The following TRIM44 variants were observed in gnomAD, a reference collection of about 807,000 sequenced individuals.
TRIM44 encodes tripartite motif containing 44.
Under a neutral mutation model 37.4 loss-of-function variants are expected in TRIM44, and 13 were observed. That is an observed-to-expected ratio of 0.35 (90% CI 0.23 to 0.55). The LOEUF (loss-of-function observed/expected upper bound fraction) is 0.55. Among genes scored for constraint, TRIM44 ranks in the 20% least tolerant of loss-of-function variants. The pLI is 0.89. For missense variants in TRIM44, 426 were observed against 437.2 expected (o/e 0.97, Z 0.23); for synonymous variants, 175 against 157.2 (o/e 1.11, Z -0.85).
intron 4 of TRIM44, among the ~76,000 whole-genome samples, chr11:35,742,798 A>ATAT (rs10624282): frequency 0.98 from 137,402 of 139,652 alleles, 67,614 homozygotes; most frequent in East Asian, 1. Flanking sequence ...AATTATATTA[A>ATAT]TATATTAAAT....
intron 2 of TRIM44, among the ~76,000 whole-genome samples, chr11:35,713,749 A>G (rs1199993980): frequency 1.3e-5 from 2 of 152,120 alleles, no homozygotes; most frequent in Non-Finnish European, 2.9e-5. Flanking sequence ...TTAGCTCCTT[A>G]AGGGAGTAGA....
At chr11:35,776,841 C>A (rs1852972897) in intron 4 of TRIM44, among the ~76,000 whole-genome samples, 1 of 152,192 alleles carries the variant, frequency 6.6e-6, no homozygotes, top group Non-Finnish European at 1.5e-5. Context: ...AATTTCTGTT[C>A]TTTTACATTT....
chr11:35,674,217 GGA>G (rs560545193), intron 1 of TRIM44, among the ~76,000 whole-genome samples: 25 of 142,156 alleles, frequency 1.8e-4, no homozygotes, highest in African/African-American at 2.8e-4. Flanking sequence ...TGTGTGAGTG[GGA>G]GAGAGAGAGA....
rs1295737577 is a variant in TRIM44, at chr11:35,815,604, G to A, written c.*9219G>A. On this transcript the variant is annotated 3_prime_UTR_variant, in exon 5 of 5. Transcript: ENST00000299413. ...TTCTGACCTGTCTGATCAAATAAAG[G>A]CATTCCTCTGAGAGTATACCTAGCC... is the stretch of plus-strand genomic sequence containing the variant. 1.3e-5 allele frequency: 2 copies of A among 152,130 alleles called. No individual in the cohort carries two copies. Among genetic ancestry groups the A allele is most frequent in the African/African-American group, 4.8e-5 (2 of 41,428 alleles). The allele number at this position is 152,130 out of a possible 1,614,324, so 9.4% of individuals were successfully genotyped here.
chr11:35,770,415 A>G (rs1013858423), intron 4 of TRIM44, among the ~76,000 whole-genome samples: 1 of 152,204 alleles, frequency 6.6e-6, no homozygotes, highest in Non-Finnish European at 1.5e-5. Flanking sequence ...TATTGGATAT[A>G]TACCCAGTAA....
rs1806699446 is a variant in TRIM44 at position 35,792,109 on chromosome 11, ACACTCT to A, written c.1008-14247_1008-14242del. On this transcript the variant is annotated intron_variant, in intron 4 of 4. Coordinates refer to ENST00000299413, the MANE Select transcript of TRIM44 (RefSeq NM_017583.6). Reference sequence around the variant, plus strand: ...CACACACACACACACACACACACACACACTCTCTCTCATCATTCTCTATTCCAGCAT... The same window carrying A: ...CACACACACACACACACACACACACACTCTCATCATTCTCTATTCCAGCAT... Among the ~76,000 whole-genome samples, 6 of 61,474 alleles carry A rather than the reference ACACTCT, an allele frequency of 9.8e-5. 1 individual carries two copies. The highest frequency in any genetic ancestry group is 2.6e-4 in the African/African-American group (6 of 23,418). The allele number at this position is 61,474 out of a possible 152,430, so 40.3% of individuals were successfully genotyped here.
rs1051368948 is a variant in TRIM44, at chr11:35,815,331, G to A, written c.*8946G>A. On this transcript the variant is annotated 3_prime_UTR_variant, in exon 5 of 5. Coordinates refer to ENST00000299413, the MANE Select transcript of TRIM44 (RefSeq NM_017583.6). The stretch of plus-strand genomic sequence containing the variant: ...ATTATGAGACCTTTTAGACCCAGTT[G>A]GATGGCTGTATCCTAGTATGAAATT... The A allele has an allele frequency of 2.0e-5, 3 of 152,098 alleles. No individual in the cohort carries two copies. The highest frequency in any genetic ancestry group is 4.4e-5 in the Non-Finnish European group (3 of 68,028). The allele number at this position is 152,098 out of a possible 1,614,324, so 9.4% of individuals were successfully genotyped here.
At chr11:35,700,392 A>G (rs1442221836) in intron 2 of TRIM44, among the ~76,000 whole-genome samples, 1 of 152,258 alleles carries the variant, frequency 6.6e-6, no homozygotes, top group Admixed American at 6.5e-5. Flanking sequence ...CAATCCTTTA[A>G]CCCTCCAAAC....
At position 35,666,716 on chromosome 11, in the gene TRIM44, G is replaced by A. The variant is rs374440012; in HGVS notation, c.669+2936G>A. ...TGAGGCTGCAGTGAGTTATGATCCT[G>A]CCATTTCCCTCCAGCCTGGTCGACA... On this transcript the variant is annotated intron_variant, in intron 1 of 4. Transcript: ENST00000299413. Among the ~76,000 whole-genome samples the A allele has an allele frequency of 1.1e-4, 17 of 152,230 alleles. No homozygotes were observed. The East Asian group carries it at 1.2e-3, about 10-fold the overall frequency.
At chr11:35,699,329 T>G (rs1851750516) in intron 2 of TRIM44, among the ~76,000 whole-genome samples, 1 of 152,224 alleles carries the variant, frequency 6.6e-6, no homozygotes, top group East Asian at 1.9e-4. Flanking sequence ...ATCCAGCATA[T>G]AAACAGAACC....
chr11:35,728,736 T>G (rs1196428317), intron 3 of TRIM44, among the ~76,000 whole-genome samples: 1 of 152,172 alleles, frequency 6.6e-6, no homozygotes, highest in Non-Finnish European at 1.5e-5. Flanking sequence ...TCCAACATTT[T>G]ATTATAAAAT....
chr11:35,726,446 G>A (rs1225939116), intron 3 of TRIM44, among the ~76,000 whole-genome samples: 2 of 152,126 alleles, frequency 1.3e-5, no homozygotes, highest in African/African-American at 4.8e-5. Flanking sequence ...AGCCAGAGAA[G>A]AGGGCAAGCG....
intron 1 of TRIM44, among the ~76,000 whole-genome samples, chr11:35,674,851 C>T (rs1022980631): frequency 3.3e-5 from 5 of 152,088 alleles, no homozygotes; most frequent in Non-Finnish European, 7.4e-5. Context: ...AAACAGTATG[C>T]TATGGAAGTG....
At chr11:35,721,039 G>T (rs535322852) in intron 2 of TRIM44, among the ~76,000 whole-genome samples, 2 of 152,018 alleles carry the variant, frequency 1.3e-5, no homozygotes, top group East Asian at 3.9e-4. Flanking sequence ...GAGTAGCTGG[G>T]ATTATAGGTG....
At chr11:35,686,678 G>T (rs901609408) in intron 2 of TRIM44, among the ~76,000 whole-genome samples, 7 of 151,882 alleles carry the variant, frequency 4.6e-5, no homozygotes, top group Non-Finnish European at 8.8e-5. Flanking sequence ...TGCCTCAGCC[G>T]CCTGAGTGGC....
chr11:35,771,780 G>A (rs1182683589), intron 4 of TRIM44, among the ~76,000 whole-genome samples: 1 of 151,600 alleles, frequency 6.6e-6, no homozygotes, highest in East Asian at 1.9e-4. Context: ...GAACATGAAA[G>A]TTTGGAAAAT....
intron 4 of TRIM44, among the ~76,000 whole-genome samples, chr11:35,760,712 G>T (rs995651053): frequency 6.6e-6 from 1 of 152,182 alleles, no homozygotes; most frequent in African/African-American, 2.4e-5. Context: ...GTACAACATG[G>T]TGTTTTGAAG....
chr11:35,729,297 A>G (rs970901003), intron 3 of TRIM44, among the ~76,000 whole-genome samples: 10 of 152,148 alleles, frequency 6.6e-5, no homozygotes, highest in African/African-American at 2.2e-4. Flanking sequence ...CATTTTATAT[A>G]TGCCCTATGT....
rs899204982 is a variant in TRIM44, at chr11:35,814,201, G to T, written c.*7816G>T. 2.0e-4 allele frequency: 30 copies of T among 152,178 alleles called. No homozygotes were observed. The highest frequency in any genetic ancestry group is 1.2e-3 in the Admixed American group (19 of 15,280). The allele number at this position is 152,178 out of a possible 1,614,324, so 9.4% of individuals were successfully genotyped here. A position where few individuals can be genotyped will look rare whatever the true frequency, so the allele number is the denominator to read the frequency against. Reference sequence around the variant, plus strand: ...TTACACAATTTAACCTGTAATAACAGGTTCTCACTTGTATTTCTCCAGCTC... The same window carrying T: ...TTACACAATTTAACCTGTAATAACATGTTCTCACTTGTATTTCTCCAGCTC... On this transcript the variant is annotated 3_prime_UTR_variant, in exon 5 of 5. Transcript: ENST00000299413.
Sources: gnomAD v4.1 joint callset for allele counts (sites outside exome capture counted in the v4.1 genomes callset) on GRCh38, gnomAD v4.1.1 for gene constraint, MANE v1.5 for transcripts, NCBI Gene and HGNC (gene_info 2026-07-23, HGNC 2026-07-21) for gene names.